FAM13A: variants seen among roughly 807,000 people sequenced by gnomAD.
FAM13A encodes the protein family with sequence similarity 13 member A, also known as protein FAM13A.
A neutral mutation model predicts 129.6 loss-of-function variants in FAM13A; 76 were observed. That is an observed-to-expected ratio of 0.59 (90% CI 0.49 to 0.71). The LOEUF (loss-of-function observed/expected upper bound fraction) is 0.71, where lower values mean the gene tolerates loss of function less well. Ranked by LOEUF, FAM13A falls within the 30% of genes least tolerant of loss-of-function variation. FAM13A has a pLI of 0.00. For synonymous variants in FAM13A, 443 were observed against 449.9 expected (o/e 0.98, Z 0.20); for missense variants, 1,108 against 1,249.3 (o/e 0.89, Z 1.70).
At position 88,929,611 on chromosome 4, in the gene FAM13A, T is replaced by C. The variant is rs952128969; in HGVS notation, c.759+8477A>G. Among the ~76,000 whole-genome samples, 5 of 152,260 alleles carry C rather than the reference T, an allele frequency of 3.3e-5. No individual in the cohort carries two copies. The South Asian group carries it at 1.0e-3, about 32-fold the overall frequency. On this transcript the variant is annotated intron_variant, in intron 5 of 23. Coordinates refer to ENST00000264344, the MANE Select transcript of FAM13A (RefSeq NM_014883.4). ...TCCTTTTTTTTTCTTTTTGTCTGAC[T>C]GGATTATTTCAAAAGACCTGTCTTC...
At position 88,787,923 on chromosome 4, in the gene FAM13A, T is replaced by C; in HGVS notation, c.1101A>G (p.Glu367=). Residue 367 remains glutamate, a synonymous_variant, in exon 10 of 24, where the codon GAA becomes GAG. Transcript: ENST00000264344. ...SNVSATGELL[E]RTIRSAVEQH... The stretch of plus-strand genomic sequence containing the variant: ...GTTCTACAGCTGATCGGATGGTTCT[T>C]TCTAAGAGTCTGGCAAAAAAGAATG... 6.2e-7 allele frequency: 1 copy of C among 1,612,306 alleles called. No individual in the cohort carries two copies. Among genetic ancestry groups the C allele is most frequent in the Non-Finnish European group, 8.5e-7 (1 of 1,179,106 alleles).
intron 23 of FAM13A, chr4:88,729,696 T>A (rs970868471): frequency 6.6e-6 from 1 of 152,198 alleles, no homozygotes; most frequent in Non-Finnish European, 1.5e-5. Context: ...ATCTCCTAAG[T>A]CCCTCATAGT....
At position 88,934,475 on chromosome 4, in the gene FAM13A, G is replaced by A. The variant is rs182886990; in HGVS notation, c.759+3613C>T. 2.5e-3 allele frequency among the ~76,000 whole-genome samples: 381 copies of A among 152,196 alleles called. 2 individuals carry two copies. Among genetic ancestry groups the A allele is most frequent in the African/African-American group, 8.6e-3 (358 of 41,538 alleles). ...CCATACTTTTCTCACTAAATTTTGT[G>A]TATGTAAATATCTGGATGATTAAGT... On this transcript the variant is annotated intron_variant, in intron 5 of 23. Coordinates refer to ENST00000264344, the MANE Select transcript of FAM13A (RefSeq NM_014883.4).
intron 6 of FAM13A, among the ~76,000 whole-genome samples, chr4:88,878,217 G>A (rs567191424): frequency 1.7e-4 from 25 of 147,768 alleles, no homozygotes; most frequent in Admixed American, 6.2e-4. Context: ...GAACCCGGGA[G>A]GCGGAGCTTG....
intron 7 of FAM13A, among the ~76,000 whole-genome samples, chr4:88,818,956 C>T (rs1362257632): frequency 6.6e-6 from 1 of 152,148 alleles, no homozygotes; most frequent in Non-Finnish European, 1.5e-5. Flanking sequence ...TTTACGTTGG[C>T]AAAAGGATAT....
rs1746026568 is a variant in FAM13A at position 88,767,973 on chromosome 4, C to A, written c.1535+10G>T. On this transcript the variant is annotated intron_variant, in intron 12 of 23. Transcript: ENST00000264344. ...TTGGAAAGAATATTAGGAGACAATT[C>A]TAAAATTACCTTTCATCAGACATCC... 1 of 1,552,888 alleles carries A rather than the reference C, an allele frequency of 6.4e-7. No homozygotes were observed. Among genetic ancestry groups the A allele is most frequent in the African/African-American group, 1.4e-5 (1 of 73,660 alleles).
At chr4:88,975,587 C>T (rs1233212850) in intron 4 of FAM13A, among the ~76,000 whole-genome samples, 2 of 152,156 alleles carry the variant, frequency 1.3e-5, no homozygotes, top group African/African-American at 2.4e-5. Context: ...AACCAAACTG[C>T]ATTACTAAAA....
Position 88,787,756 on chromosome 4 carries a change from T to C in FAM13A, c.1268A>G (p.Asp423Gly). The change falls in exon 10 of 24, where the codon GAC (aspartate) becomes GGC (glycine). Residue 423 changes from aspartate (D) to glycine (G), a missense_variant. Physicochemically the swap from Asp to Gly is moderately conservative, Grantham distance 94. This residue lies in a region of FAM13A where 566 missense variants were observed against 595.7 expected (regional missense o/e 0.95). Transcript: ENST00000264344. Reference protein sequence around the residue: ...KEQDEVRHGRDKGLINKENTP... With the variant: ...KEQDEVRHGRGKGLINKENTP... ...GGAAGAATCAATGCCAACTCACTTG[T>C]CTCTCCCATGTCGAACTTCATCCTG... is the stretch of plus-strand genomic sequence containing the variant. 1 of 1,611,498 alleles carries C rather than the reference T, an allele frequency of 6.2e-7. No homozygotes were observed. The highest frequency in any genetic ancestry group is 1.3e-5 in the African/African-American group (1 of 74,838).
intron 2 of FAM13A, among the ~76,000 whole-genome samples, chr4:89,025,245 G>GTTTTT (rs56710705): frequency 0.033 from 2,001 of 61,364 alleles, 509 homozygotes; most frequent in Non-Finnish European, 0.05. Context: ...TGGAATCATT[G>GTTTTT]TTTTTTTTTT....
chr4:88,795,912 A>G (rs1165171584), intron 8 of FAM13A, among the ~76,000 whole-genome samples: 2 of 151,800 alleles, frequency 1.3e-5, no homozygotes, highest in Non-Finnish European at 3.0e-5. Context: ...AACTTCAGTT[A>G]TGATTATTAG....
intron 14 of FAM13A, among the ~76,000 whole-genome samples, chr4:88,755,249 C>A (rs1743393515): frequency 6.6e-6 from 1 of 152,122 alleles, no homozygotes; most frequent in South Asian, 2.1e-4. Context: ...TCAAAGAAGG[C>A]AAACTTAGGC....
At chr4:88,763,135 T>G (rs1745105825) in intron 13 of FAM13A, among the ~76,000 whole-genome samples, 1 of 152,216 alleles carries the variant, frequency 6.6e-6, no homozygotes. Flanking sequence ...TCTTTGAACT[T>G]CAGCTTTTTT....
intron 3 of FAM13A, among the ~76,000 whole-genome samples, chr4:88,995,135 C>T (rs1469988484): frequency 6.6e-6 from 1 of 151,432 alleles, no homozygotes; most frequent in Non-Finnish European, 1.5e-5. Context: ...CACATGCACC[C>T]AAAATGTATA....
At chr4:88,804,916 T>C in intron 8 of FAM13A, 95 bp downstream of exon 8, 1 of 728,492 alleles carries the variant, frequency 1.4e-6, no homozygotes, top group Non-Finnish European at 2.4e-6. Context: ...GTAATGAATG[T>C]TCTATTGAAA....
chr4:88,930,430 C>A (rs774559718), intron 5 of FAM13A, among the ~76,000 whole-genome samples: 4 of 152,080 alleles, frequency 2.6e-5, no homozygotes, highest in Non-Finnish European at 4.4e-5. Flanking sequence ...GTAGTATAAT[C>A]TTTGTATGAC....
At chr4:88,770,017 T>C (rs1469786186) in intron 11 of FAM13A, among the ~76,000 whole-genome samples, 1 of 152,162 alleles carries the variant, frequency 6.6e-6, no homozygotes, top group Admixed American at 6.6e-5. Flanking sequence ...AAGGAAAATA[T>C]TTTACTGTTA....
chr4:88,930,980 G>A (rs1015264733), intron 5 of FAM13A, among the ~76,000 whole-genome samples: 33 of 152,190 alleles, frequency 2.2e-4, no homozygotes, highest in Admixed American at 1.2e-3. Context: ...TGGCTTAACA[G>A]TGAGGCACAG....
At chr4:88,738,574 C>T (rs1739488615) in intron 20 of FAM13A, among the ~76,000 whole-genome samples, 1 of 152,184 alleles carries the variant, frequency 6.6e-6, no homozygotes, top group African/African-American at 2.4e-5. Context: ...AGAAGGGCCT[C>T]TCTCTCGTTT....
intron 3 of FAM13A, among the ~76,000 whole-genome samples, chr4:88,999,155 G>T (rs899384552): frequency 8.5e-5 from 13 of 152,074 alleles, no homozygotes; most frequent in African/African-American, 2.9e-4. Flanking sequence ...GAAGAACAAA[G>T]AATTAGGTGA....
Sources: gnomAD v4.1 joint callset for allele counts (sites outside exome capture counted in the v4.1 genomes callset) on GRCh38, gnomAD v4.1.1 for gene constraint, gnomAD v4.1.1 regional missense constraint, MANE v1.5 for transcripts, NCBI Gene and HGNC (gene_info 2026-07-23, HGNC 2026-07-21) for gene names.